NLRP9: variants seen among roughly 807,000 people sequenced by gnomAD.
The protein encoded by NLRP9 is NLR family pyrin domain containing 9, also known as NACHT, LRR and PYD domains-containing protein 9.
NLRP9 carries 88 observed loss-of-function variants against 83.1 expected under a neutral mutation model. That is an observed-to-expected ratio of 1.06 (90% CI 0.89 to 1.26). The LOEUF (loss-of-function observed/expected upper bound fraction) is 1.26, where lower values mean the gene tolerates loss of function less well. Among genes scored for constraint, NLRP9 ranks in the 50% most tolerant of loss-of-function variants. The pLI is 0.00. For synonymous variants in NLRP9, 521 were observed against 447.6 expected (o/e 1.16, Z -2.07); for missense variants, 1,308 against 1,179.3 (o/e 1.11, Z -1.60).
At chr19:55,723,144 A>G (rs1201814447) in intron 4 of NLRP9, among the ~76,000 whole-genome samples, 1 of 151,798 alleles carries the variant, frequency 6.6e-6, no homozygotes, top group Non-Finnish European at 1.5e-5. Flanking sequence ...TTAAAGTATA[A>G]TAATAATAAT....
At chr19:55,715,449 C>T (rs1325676528) in intron 5 of NLRP9, among the ~76,000 whole-genome samples, 1 of 152,164 alleles carries the variant, frequency 6.6e-6, no homozygotes, top group Non-Finnish European at 1.5e-5. Flanking sequence ...CTTTGGGAGG[C>T]TGAGGCGGGC....
rs189955733 is a variant in NLRP9, at chr19:55,722,010, C to G, written c.2159+1970G>C. On this transcript the variant is annotated intron_variant, in intron 4 of 8. Transcript: ENST00000332836. ...GAAAACGGACTGATACACTTGGTCT[C>G]TATCCACCAGATGCCAGCAGCACCC... 3.6e-3 allele frequency among the ~76,000 whole-genome samples: 553 copies of G among 152,246 alleles called. 12 individuals carry two copies. The highest frequency in any genetic ancestry group is 0.033 in the Admixed American group (510 of 15,272).
At chr19:55,730,673 C>G (rs1988545699) in intron 2 of NLRP9, among the ~76,000 whole-genome samples, 1 of 152,082 alleles carries the variant, frequency 6.6e-6, no homozygotes, top group Non-Finnish European at 1.5e-5. Context: ...AACCAAATAC[C>G]ACATGTTCTC....
chr19:55,710,823 C>T (rs572336540), intron 8 of NLRP9, among the ~76,000 whole-genome samples: 12 of 152,280 alleles, frequency 7.9e-5, no homozygotes, highest in South Asian at 2.1e-4. Context: ...TGGTGGCTCA[C>T]GCTTGTAATC....
In NLRP9 at chr19:55,729,881, C is replaced by T. The variant is rs201513039; in HGVS notation, c.1944G>A (p.Ala648=). The T allele has an allele frequency of 5.1e-5, 83 of 1,613,556 alleles. No individual in the cohort carries two copies. Among genetic ancestry groups the T allele is most frequent in the Middle Eastern group, 1.6e-4 (1 of 6,074 alleles). ...ENTSLDDPSL[A]ILCKALAQPV... is the part of the protein sequence containing the mutation. ...GCTGAGCCAGCGCTTTGCAAAGAAT[C>T]GCCAGGGAGGGATCATCGAGGCTGG... Residue 648 remains alanine, a synonymous_variant, in exon 3 of 9, where the codon GCG becomes GCA. Transcript: ENST00000332836.
chr19:55,720,384 G>A (rs61016814), intron 4 of NLRP9, among the ~76,000 whole-genome samples: 22,859 of 152,150 alleles, frequency 0.15, 1,968 homozygotes, highest in African/African-American at 0.23. Flanking sequence ...GTGCAGTGAC[G>A]TGATGACAGC....
rs770907706 is a variant in NLRP9, at chr19:55,732,667, G to T, written c.1164C>A (p.Asn388Lys). The change falls in exon 2 of 9, where the codon AAC becomes AAA. Residue 388 changes from asparagine (N) to lysine (K), a missense_variant. By Grantham distance (94) the Asn-to-Lys change is moderately conservative. Transcript: ENST00000332836. Reference protein sequence around the residue: ...AGSQSFPPKVNRARLKSLCAL... With the variant: ...AGSQSFPPKVKRARLKSLCAL... ...CACACAGGCTTTTTAGTCGGGCTCT[G>T]TTCACCTTAGGTGGAAAACTCTGAC... 1 of 1,614,184 alleles carries T rather than the reference G, an allele frequency of 6.2e-7. No individual in the cohort carries two copies. Among genetic ancestry groups the T allele is most frequent in the Non-Finnish European group, 8.5e-7 (1 of 1,180,042 alleles).
At chr19:55,734,055 T>C (rs952701784) in intron 1 of NLRP9, among the ~76,000 whole-genome samples, 1 of 150,980 alleles carries the variant, frequency 6.6e-6, no homozygotes, top group Admixed American at 6.6e-5. Flanking sequence ...CCCGAGTAGC[T>C]GGGGCTACAG....
At chr19:55,728,006 CCGTGGGATCA>C (rs999441531) in intron 3 of NLRP9, among the ~76,000 whole-genome samples, 20 of 152,138 alleles carry the variant, frequency 1.3e-4, no homozygotes, top group African/African-American at 4.6e-4. Flanking sequence ...AGTCCTCTCC[CCGTGGGATCA>C]CCAGGACACA....
At chr19:55,720,526 C>T (rs900023770) in intron 4 of NLRP9, among the ~76,000 whole-genome samples, 5 of 152,056 alleles carry the variant, frequency 3.3e-5, no homozygotes, top group African/African-American at 1.2e-4. Flanking sequence ...ACGGGAGTCT[C>T]ACTATGTTGC....
intron 1 of NLRP9, among the ~76,000 whole-genome samples, chr19:55,735,339 C>A (rs939779203): frequency 7.7e-6 from 1 of 130,428 alleles, no homozygotes. Context: ...GTAATCCCAG[C>A]GCTTTGGGAG....
intron 4 of NLRP9, among the ~76,000 whole-genome samples, chr19:55,717,761 G>A (rs561952739): frequency 6.6e-6 from 1 of 152,268 alleles, no homozygotes. Flanking sequence ...CTTCCCAGAG[G>A]AGCTAGACAC....
intron 2 of NLRP9, among the ~76,000 whole-genome samples, chr19:55,730,622 C>A (rs752332154): frequency 4.6e-5 from 7 of 151,918 alleles, no homozygotes; most frequent in African/African-American, 1.7e-4. Flanking sequence ...ATGGATGGAG[C>A]GGGAGGCCAT....
At position 55,715,142 on chromosome 19, in the gene NLRP9, TC is replaced by T; in HGVS notation, c.2413del (p.Asp805IlefsTer19). On this transcript the variant is annotated frameshift_variant, in exon 6 of 9. Coordinates refer to ENST00000332836, the MANE Select transcript of NLRP9 (RefSeq NM_176820.4). LOFTEE classifies it high-confidence loss of function. ...LLCSKSLSLL[D>X]LGSNALEDNG... ...ATCTTCCAGGGCATTTGAGCCCAGA[TC>T]GAGGAGGGACAGGGACTTACTGCAC... 1 of 1,613,254 alleles carries T rather than the reference TC, an allele frequency of 6.2e-7. No homozygotes were observed. The highest frequency in any genetic ancestry group is 8.5e-7 in the Non-Finnish European group (1 of 1,179,896).
Position 55,715,090 on chromosome 19 carries a change from C to T in NLRP9, c.2466G>A (p.Ala822=), listed in dbSNP as rs141468083. The T allele has an allele frequency of 2.2e-4, 354 of 1,612,764 alleles. No homozygotes were observed. The highest frequency in any genetic ancestry group is 2.1e-3 in the African/African-American group (158 of 75,026). Residue 822 remains alanine, a synonymous_variant, in exon 6 of 9, where the codon GCG becomes GCA. Coordinates refer to ENST00000332836, the MANE Select transcript of NLRP9 (RefSeq NM_176820.4). ...GTATGCTGCAGCCTGGGTGCTTCAG[C>T]GCTGCACACAGAGATGCCACTCCAT... is the stretch of plus-strand genomic sequence containing the variant. ...EDNGVASLCA[A]LKHPGCSIRE...
chr19:55,717,058 G>T, intron 4 of NLRP9, among the ~76,000 whole-genome samples, 160 bp from the exon 5 acceptor site: 1 of 146,170 alleles, frequency 6.8e-6, no homozygotes, highest in African/African-American at 2.6e-5. Context: ...TTTTGAGAAG[G>T]AATCTCACTC....
At chr19:55,726,435 C>A (rs187941751) in intron 3 of NLRP9, among the ~76,000 whole-genome samples, 2 of 152,216 alleles carry the variant, frequency 1.3e-5, no homozygotes, top group Admixed American at 1.3e-4. Flanking sequence ...GAAGCAGAAG[C>A]CTGGGCTCAT....
chr19:55,726,307 G>A (rs1054677757), intron 3 of NLRP9, among the ~76,000 whole-genome samples: 1 of 152,126 alleles, frequency 6.6e-6, no homozygotes, highest in African/African-American at 2.4e-5. Context: ...TCATGGAAAA[G>A]GGGCAAACTA....
rs765779528 is a variant in NLRP9 at position 55,733,919 on chromosome 19, A to ATTTTTTTTTTTTTTTTTTTTTTTTTTT, written c.281-370_281-369insAAAAAAAAAAAAAAAAAAAAAAAAAAA. 2.0e-4 allele frequency among the ~76,000 whole-genome samples: 24 copies of ATTTTTTTTTTTTTTTTTTTTTTTTTTT among 117,860 alleles called. 3 individuals carry two copies. Among genetic ancestry groups the ATTTTTTTTTTTTTTTTTTTTTTTTTTT allele is most frequent in the African/African-American group, 6.8e-4 (19 of 27,904 alleles). 77.3% of individuals were successfully genotyped at this position (117,860 alleles called of 152,430 possible). On this transcript the variant is annotated intron_variant, in intron 1 of 8. Transcript: ENST00000332836. ...ATAAACTCAACCAGTTGTCAACCAAATTTTTTTTTTTTTTTTTTTTTGAGA... is the reference window on the plus strand; with the variant it reads ...ATAAACTCAACCAGTTGTCAACCAAATTTTTTTTTTTTTTTTTTTTTTTTTTTTTTTTTTTTTTTTTTTTTTTTGAGA...
Sources: allele counts gnomAD v4.1 joint callset (sites outside exome capture counted in the v4.1 genomes callset), GRCh38; gene constraint gnomAD v4.1.1; transcripts MANE v1.5; gene names NCBI Gene and HGNC (gene_info 2026-07-23, HGNC 2026-07-21).